Variants in USP22 observed in about 807,000 individuals in gnomAD.
USP22 encodes ubiquitin specific peptidase 22.
A neutral mutation model predicts 68.1 loss-of-function variants in USP22; 22 were observed. The observed-to-expected ratio is 0.32, with a 90% confidence interval of 0.23 to 0.46. USP22 has a LOEUF of 0.46. USP22 is among the 20% of genes least tolerant of loss of function. USP22 has a pLI of 1.00. For missense variants in USP22, 433 were observed against 695.8 expected, an observed-to-expected ratio of 0.62 and a Z score of 4.25; for synonymous variants, 279 against 274.2, an observed-to-expected ratio of 1.02 and a Z score of -0.17.
chr17:21,034,244 T>C (rs554921899), intron 1 of USP22, among the ~76,000 whole-genome samples: 60 of 151,992 alleles, frequency 3.9e-4, no homozygotes, highest in African/African-American at 1.3e-3. Flanking sequence ...ACAGAAGGGG[T>C]AATTTCATTC....
chr17:21,007,106 C>T (rs1913806569), intron 9 of USP22, 119 bp from the exon 10 acceptor site: 1 of 854,918 alleles, frequency 1.2e-6, no homozygotes. Flanking sequence ...TTTTATTGAA[C>T]TGCCTTGTAG....
chr17:21,016,654 T>C lies in USP22; in HGVS notation c.691-755A>G, dbSNP rs184534890. Among the ~76,000 whole-genome samples, 5 of 152,266 alleles carry C rather than the reference T, an allele frequency of 3.3e-5. No homozygotes were observed. The East Asian group carries it at 5.8e-4, about 18-fold the overall frequency. On this transcript the variant is annotated intron_variant, in intron 5 of 12. Transcript: ENST00000261497. ...ACGGGTGAATCCACCCAGTATTACATTAAGTAGGGACAGCCAGATTCAGAA... is the reference window on the plus strand; with the variant it reads ...ACGGGTGAATCCACCCAGTATTACACTAAGTAGGGACAGCCAGATTCAGAA...
At chr17:21,033,857 C>T (rs1025453147) in intron 1 of USP22, among the ~76,000 whole-genome samples, 2 of 151,658 alleles carry the variant, frequency 1.3e-5, no homozygotes, top group African/African-American at 4.8e-5. Context: ...CAAGTGATTC[C>T]CCTGCCTCAG....
At chr17:21,003,983 A>C (rs548329061) in intron 12 of USP22, among the ~76,000 whole-genome samples, 4 of 152,132 alleles carry the variant, frequency 2.6e-5, no homozygotes, top group Admixed American at 2.0e-4. Context: ...CTCTGTGCTA[A>C]GGGAATGCCT....
chr17:21,011,072 G>C (rs1452297680), intron 8 of USP22, 79 bp downstream of exon 8: 3 of 1,499,002 alleles, frequency 2.0e-6, no homozygotes, highest in Non-Finnish European at 2.7e-6. Flanking sequence ...GCATGTGAAA[G>C]AGCCCTGCTT....
intron 1 of USP22, among the ~76,000 whole-genome samples, chr17:21,042,021 GCTCCGGCCCCGCGCCCCCCAGCCCGC>G (rs1384551226): frequency 6.6e-6 from 1 of 152,194 alleles, no homozygotes; most frequent in South Asian, 2.1e-4. Flanking sequence ...CAGCCGCGAA[GCTCCGGCCCCGCGCCCCCCAGCCCGC>G]CTCCTGCCCC....
intron 8 of USP22, 93 bp from the exon 9 acceptor site, chr17:21,008,089 GATTTCCCTACCAAAAACA>G: frequency 7.0e-7 from 1 of 1,428,580 alleles, no homozygotes; most frequent in South Asian, 1.4e-5. Flanking sequence ...TCATTGGGTT[GATTTCCCTACCAAAAACA>G]TACACTTACA....
chr17:21,023,266 A>C (rs1177370771), intron 2 of USP22, among the ~76,000 whole-genome samples: 1 of 152,240 alleles, frequency 6.6e-6, no homozygotes, highest in African/African-American at 2.4e-5. Context: ...TGAGGGAATA[A>C]ACTGTACACC....
At chr17:21,004,082 G>A (rs969703081) in intron 12 of USP22, 120 bp downstream of exon 12, 3 of 1,366,546 alleles carry the variant, frequency 2.2e-6, no homozygotes, top group Admixed American at 2.3e-5. Flanking sequence ...TCATTACTTC[G>A]GCAAATGAAG....
At chr17:21,018,332 T>C (rs1166982918) in intron 4 of USP22, 1 of 453,100 alleles carries the variant, frequency 2.2e-6, no homozygotes, top group Non-Finnish European at 3.9e-6. Flanking sequence ...CTTCAGCCAT[T>C]GTATGCTTTG....
At chr17:21,042,487 G>C (rs1160117021) in intron 1 of USP22, among the ~76,000 whole-genome samples, 178 bp downstream of exon 1, 1 of 142,624 alleles carries the variant, frequency 7.0e-6, no homozygotes, top group East Asian at 2.3e-4. Context: ...GAGTTGAGGG[G>C]GGAAGGAAAG....
intron 2 of USP22, among the ~76,000 whole-genome samples, chr17:21,025,374 G>A (rs1567590544): frequency 1.3e-5 from 2 of 152,272 alleles, no homozygotes; most frequent in South Asian, 2.1e-4. Flanking sequence ...GTGTTGGCAA[G>A]GATGTGAACA....
intron 6 of USP22, among the ~76,000 whole-genome samples, chr17:21,013,706 C>G (rs929232724): frequency 1.3e-5 from 2 of 152,162 alleles, no homozygotes; most frequent in Admixed American, 1.3e-4. Context: ...GAGAAAAATG[C>G]TTCCCAGAGG....
At chr17:21,006,236 G>C (rs1419827243) in intron 10 of USP22, among the ~76,000 whole-genome samples, 2 of 152,156 alleles carry the variant, frequency 1.3e-5, no homozygotes, top group East Asian at 1.9e-4. Context: ...CCCCAGAATA[G>C]GCAGATTTGA....
intron 9 of USP22, 65 bp from the exon 10 acceptor site, chr17:21,007,052 AG>A (rs560370024): frequency 1.1e-4 from 149 of 1,382,144 alleles, no homozygotes; most frequent in Admixed American, 2.7e-4. Context: ...TGGAAGCTTC[AG>A]GGCCTTCTTC....
intron 1 of USP22, among the ~76,000 whole-genome samples, chr17:21,037,631 C>CT (rs1344999879): frequency 6.6e-6 from 1 of 152,218 alleles, no homozygotes; most frequent in Non-Finnish European, 1.5e-5. Context: ...GCCTGAGAAA[C>CT]TGTCACTGTC....
chr17:21,003,165 C>T (rs1380241033), intron 12 of USP22, 92 bp from the exon 13 acceptor site: 28 of 1,487,994 alleles, frequency 1.9e-5, no homozygotes, highest in South Asian at 4.5e-5. Flanking sequence ...ACGTGCTCTG[C>T]GCTCTGCACA....
Position 21,015,652 on chromosome 17 carries a change from C to A in USP22, c.838+100G>T. On this transcript the variant is annotated intron_variant, in intron 6 of 12. Transcript: ENST00000261497. ...GATGACAAAACAATGGAATGTGTCA[C>A]CTGTGCCCCTTTTTGCACGAGTGCA... The A allele has an allele frequency of 2.1e-6, 3 of 1,424,888 alleles. No individual in the cohort carries two copies. The South Asian group carries it at 4.4e-5, about 21-fold the overall frequency. The allele number at this position is 1,424,888 out of a possible 1,614,324, so 88.3% of individuals were successfully genotyped here. A position where few individuals can be genotyped will look rare whatever the true frequency, so the allele number is the denominator to read the frequency against.
At position 21,006,773 on chromosome 17, in the gene USP22, G is replaced by C. The variant is rs1206888661; in HGVS notation, c.1322+123C>G. The C allele has an allele frequency of 5.9e-6, 4 of 680,578 alleles. No individual in the cohort carries two copies. In the South Asian group the frequency reaches 9.8e-5, roughly 17 times the overall value. The allele number at this position is 680,578 out of a possible 1,614,324, so 42.2% of individuals were successfully genotyped here. On this transcript the variant is annotated intron_variant, in intron 10 of 12. Coordinates refer to ENST00000261497, the MANE Select transcript of USP22 (RefSeq NM_015276.2). The stretch of plus-strand genomic sequence containing the variant: ...CCGCTTCGACCTCCTGAAGTGCTGG[G>C]ATTACAGGCGGGAGCCACTGCACCC...
Sources: gnomAD v4.1 joint callset for allele counts (sites outside exome capture counted in the v4.1 genomes callset) on GRCh38, gnomAD v4.1.1 for gene constraint, MANE v1.5 for transcripts, NCBI Gene and HGNC (gene_info 2026-07-23, HGNC 2026-07-21) for gene names.